MOV10: variants seen among roughly 807,000 people sequenced by gnomAD.
The protein encoded by MOV10 is Mov10 RNA helicase.
In MOV10, 39 loss-of-function variants were observed where a neutral mutation model predicts 108.4. That is an observed-to-expected ratio of 0.36 (90% CI 0.28 to 0.47). The LOEUF (loss-of-function observed/expected upper bound fraction) is 0.47, where lower values mean the gene tolerates loss of function less well. MOV10 is among the 20% of genes least tolerant of loss of function. The pLI, the probability that MOV10 is intolerant of heterozygous loss-of-function variation, is 1.00. For missense variants in MOV10, 952 were observed against 1,297.6 expected (o/e 0.73, Z 4.09); for synonymous variants, 490 against 523.1 (o/e 0.94, Z 0.86).
Position 112,675,241 on chromosome 1 carries a change from G to A in MOV10, c.137+192G>A, listed in dbSNP as rs1345630907. ...GCCCCACCAGCGCCGCCCGGAGCCC[G>A]CCAGTTCTGCCCGAGCTGGGCCCCT... is the stretch of plus-strand genomic sequence containing the variant. On this transcript the variant is annotated intron_variant, in intron 2 of 20. Coordinates refer to ENST00000369645, the MANE Select transcript of MOV10 (RefSeq NM_001321324.2). The surrounding 1 kb of genome is among the most constrained non-coding windows in gnomAD (Gnocchi z 4.7). Among the ~76,000 whole-genome samples the A allele has an allele frequency of 6.6e-6, 1 of 151,958 alleles. No homozygotes were observed. The highest frequency in any genetic ancestry group is 2.4e-5 in the African/African-American group (1 of 41,424).
At chr1:112,683,987 G>T (rs1672866235) in intron 2 of MOV10, among the ~76,000 whole-genome samples, 3 of 151,938 alleles carry the variant, frequency 2.0e-5, no homozygotes, top group Admixed American at 2.0e-4. Flanking sequence ...GTCTTGCTCT[G>T]TTGCCCAGAC....
chr1:112,686,037 C>T (rs967505877), intron 2 of MOV10, among the ~76,000 whole-genome samples: 30 of 152,286 alleles, frequency 2.0e-4, no homozygotes, highest in African/African-American at 6.5e-4. Context: ...TGGCCCCGTT[C>T]GAAGATAAGC....
intron 2 of MOV10, among the ~76,000 whole-genome samples, chr1:112,686,562 G>A (rs1247914886): frequency 6.6e-6 from 1 of 152,084 alleles, no homozygotes; most frequent in Non-Finnish European, 1.5e-5. Context: ...CCACTACCTG[G>A]GGACTCCCTA....
At chr1:112,679,313 A>G (rs1353631755) in intron 2 of MOV10, among the ~76,000 whole-genome samples, 1 of 152,130 alleles carries the variant, frequency 6.6e-6, no homozygotes, top group Non-Finnish European at 1.5e-5. Context: ...TGGATTGACA[A>G]GAGGCCAAGT....
At position 112,675,950 on chromosome 1, in the gene MOV10, G is replaced by C. The variant is rs1167164937; in HGVS notation, c.137+901G>C. Among the ~76,000 whole-genome samples the C allele has an allele frequency of 6.6e-6, 1 of 152,214 alleles. No individual in the cohort carries two copies. The highest frequency in any genetic ancestry group is 6.5e-5 in the Admixed American group (1 of 15,286). On this transcript the variant is annotated intron_variant, in intron 2 of 20. Coordinates refer to ENST00000369645, the MANE Select transcript of MOV10 (RefSeq NM_001321324.2). The surrounding 1 kb of genome is among the most constrained non-coding windows in gnomAD (Gnocchi z 4.7). ...TGGGTTTTAGCAGACCAGAGGGCCA[G>C]TATGGGTGAGATATGGCTGCTAAAA...
chr1:112,699,549 C>T (rs1019718883), intron 17 of MOV10, 136 bp from the exon 18 acceptor site: 25 of 1,507,744 alleles, frequency 1.7e-5, no homozygotes, highest in South Asian at 1.1e-4. Flanking sequence ...TGGGCCGTGT[C>T]GCAGCACTGG....
Position 112,674,697 on chromosome 1 carries a change from G to A in MOV10, c.-98G>A, listed in dbSNP as rs181564322. ...AAGAGTTAATGCGAAGAGGGGGAGG[G>A]GATAGGACGAAGAAACCGAAGGGAA... On this transcript the variant is annotated 5_prime_UTR_variant, in exon 1 of 21. Coordinates refer to ENST00000369645, the MANE Select transcript of MOV10 (RefSeq NM_001321324.2). 56 of 495,548 alleles carry A rather than the reference G, an allele frequency of 1.1e-4. No homozygotes were observed. The highest frequency in any genetic ancestry group is 1.1e-3 in the African/African-American group (53 of 48,796). 30.7% of individuals were successfully genotyped at this position (495,548 alleles called of 1,614,324 possible). A position where few individuals can be genotyped will look rare whatever the true frequency, so the allele number is the denominator to read the frequency against.
In MOV10 at chr1:112,675,949, A is replaced by G. The variant is rs1672170996; in HGVS notation, c.137+900A>G. 6.6e-6 allele frequency among the ~76,000 whole-genome samples: 1 copy of G among 152,236 alleles called. No individual in the cohort carries two copies. The highest frequency in any genetic ancestry group is 2.4e-5 in the African/African-American group (1 of 41,464). ...TTGGGTTTTAGCAGACCAGAGGGCCAGTATGGGTGAGATATGGCTGCTAAA... is the reference window on the plus strand; with the variant it reads ...TTGGGTTTTAGCAGACCAGAGGGCCGGTATGGGTGAGATATGGCTGCTAAA... On this transcript the variant is annotated intron_variant, in intron 2 of 20. Coordinates refer to ENST00000369645, the MANE Select transcript of MOV10 (RefSeq NM_001321324.2). The surrounding 1 kb of genome is among the most constrained non-coding windows in gnomAD (Gnocchi z 4.7).
Position 112,700,489 on chromosome 1 carries a change from G to A in MOV10, c.2994G>A (p.Glu998=), listed in dbSNP as rs757209169. Residue 998 remains glutamate, a synonymous_variant, in exon 21 of 21, where the codon GAG becomes GAA. Transcript: ENST00000369645. ...EGGLSLQVEP[E]WRNEL The stretch of plus-strand genomic sequence containing the variant: ...GCCTGTCTCTGCAAGTGGAGCCAGA[G>A]TGGAGGAATGAGCTCTGAAGACACA... 4 of 1,613,826 alleles carry A rather than the reference G, an allele frequency of 2.5e-6. No individual in the cohort carries two copies. In the Admixed American group the frequency reaches 6.7e-5, roughly 27 times the overall value.
At position 112,694,804 on chromosome 1, in the gene MOV10, A is replaced by G. The variant is rs1673917512; in HGVS notation, c.1528A>G (p.Ile510Val). The G allele has an allele frequency of 2.5e-6, 4 of 1,614,158 alleles. No individual in the cohort carries two copies. The highest frequency in any genetic ancestry group is 1.1e-5 in the South Asian group (1 of 91,082). The change falls in exon 10 of 21, where the codon ATT becomes GTT. Residue 510 changes from isoleucine (I) to valine (V), a missense_variant. Physicochemically the swap from Ile to Val is conservative, Grantham distance 29. Coordinates refer to ENST00000369645, the MANE Select transcript of MOV10 (RefSeq NM_001321324.2). The surrounding 1 kb of genome is among the most constrained non-coding windows in gnomAD (Gnocchi z 4.1). ...AGAGCAGCTGCAGGCCATGAGGCAC[A>G]TTGTTACGGGCACCACCCGTCCAGC... The part of the protein sequence containing the change: ...NPEQLQAMRH[I>V]VTGTTRPAPY...
intron 7 of MOV10, 152 bp from the exon 8 acceptor site, chr1:112,693,866 G>T (rs1673819088): frequency 3.3e-6 from 2 of 613,822 alleles, no homozygotes; most frequent in Non-Finnish European, 5.7e-6. Flanking sequence ...GGTATGAAAG[G>T]AAAGAGGGGT....
intron 2 of MOV10, among the ~76,000 whole-genome samples, chr1:112,679,035 C>T (rs946195294): frequency 1.3e-5 from 2 of 151,980 alleles, no homozygotes; most frequent in African/African-American, 4.8e-5. Flanking sequence ...GGCTTTGACC[C>T]GCTAATGGGA....
intron 17 of MOV10, 140 bp downstream of exon 17, chr1:112,698,929 A>G (rs913322968): frequency 2.3e-5 from 17 of 736,780 alleles, no homozygotes; most frequent in Non-Finnish European, 2.4e-6. Flanking sequence ...GCTCTCCCTG[A>G]GCCTCTCACT....
chr1:112,692,714 C>G, intron 6 of MOV10, 47 bp from the exon 7 acceptor site: 1 of 1,605,700 alleles, frequency 6.2e-7, no homozygotes, highest in South Asian at 1.1e-5. Flanking sequence ...GTTGTCTGGC[C>G]CATCCTGTTC....
At chr1:112,700,066 C>T (rs1557774773) in intron 19 of MOV10, 84 bp downstream of exon 19, 6 of 1,582,178 alleles carry the variant, frequency 3.8e-6, no homozygotes, top group East Asian at 2.2e-5. Context: ...GCTTGCTTAT[C>T]GCTCAGTTAA....
chr1:112,699,852 G>C (rs779520034), intron 18 of MOV10, 42 bp downstream of exon 18: 8 of 1,614,010 alleles, frequency 5.0e-6, no homozygotes, highest in Non-Finnish European at 6.8e-6. Flanking sequence ...TTCCATTCTC[G>C]GGGCTCTTCC....
intron 6 of MOV10, 35 bp from the exon 7 acceptor site, chr1:112,692,725 CT>C (rs775769316): frequency 6.2e-7 from 1 of 1,610,644 alleles, no homozygotes; most frequent in South Asian, 1.1e-5. Flanking sequence ...CATCCTGTTC[CT>C]GCCCCCACTC....
rs1446661219 is a variant in MOV10, at chr1:112,690,068, A to G, written c.806A>G (p.Asn269Ser). The G allele has an allele frequency of 5.0e-6, 8 of 1,613,848 alleles. No homozygotes were observed. The Admixed American group carries it at 1.3e-4, about 27-fold the overall frequency. ...ATCACCGGAAACCCTGTGGTGACCA[A>G]TCGGATAGAGGAAGGAGAGAGACCT... ...TRITGNPVVT[N>S]RIEEGERPDR... is the part of the protein sequence containing the mutation. The change falls in exon 5 of 21, where the codon AAT (asparagine) becomes AGT (serine). Residue 269 changes from asparagine to serine, a missense_variant. By Grantham distance (46) the Asn-to-Ser change is conservative. Around this residue, in one of 5 missense-constraint regions of MOV10, gnomAD observed 374 missense variants for 468.6 expected, o/e 0.80. Coordinates refer to ENST00000369645, the MANE Select transcript of MOV10 (RefSeq NM_001321324.2).
chr1:112,675,384 C>T lies in MOV10; in HGVS notation c.137+335C>T, dbSNP rs867543154. The stretch of plus-strand genomic sequence containing the variant: ...CTCGCGGGGGCTGAGGGACAGCGCT[C>T]GCGGTGGGGGAGGGGAGCCTCCAGA... On this transcript the variant is annotated intron_variant, in intron 2 of 20. Coordinates refer to ENST00000369645, the MANE Select transcript of MOV10 (RefSeq NM_001321324.2). The surrounding 1 kb of genome is among the most constrained non-coding windows in gnomAD (Gnocchi z 4.7). 2.0e-5 allele frequency among the ~76,000 whole-genome samples: 3 copies of T among 152,126 alleles called. No individual in the cohort carries two copies. Among genetic ancestry groups the T allele is most frequent in the East Asian group, 3.9e-4 (2 of 5,176 alleles).
Sources: allele counts gnomAD v4.1 joint callset (sites outside exome capture counted in the v4.1 genomes callset), GRCh38; gene constraint gnomAD v4.1.1; regional missense constraint gnomAD v4.1.1; non-coding constraint Gnocchi (gnomAD v3.1); transcripts MANE v1.5; gene names NCBI Gene and HGNC (gene_info 2026-07-23, HGNC 2026-07-21).